TNS2: variants seen among roughly 807,000 people sequenced by gnomAD.
TNS2 encodes the protein tensin-2.
TNS2 carries 77 observed loss-of-function variants against 155.7 expected under a neutral mutation model. The ratio of observed to expected loss-of-function variants is 0.49; its 90% CI spans 0.41 to 0.60. The LOEUF (loss-of-function observed/expected upper bound fraction) is 0.60, where lower values mean the gene tolerates loss of function less well. Among genes scored for constraint, TNS2 ranks in the 20% least tolerant of loss-of-function variants. TNS2 has a pLI of 0.00. For missense variants in TNS2, 1,703 were observed against 1,868.8 expected (o/e 0.91, Z 1.64); for synonymous variants, 726 against 763.9 (o/e 0.95, Z 0.82).
In TNS2 at chr12:53,062,683, T is replaced by C. The variant is rs777126947; in HGVS notation, c.3809T>C (p.Leu1270Pro). 22 of 1,613,750 alleles carry C rather than the reference T, an allele frequency of 1.4e-5. No homozygotes were observed. Among genetic ancestry groups the C allele is most frequent in the African/African-American group, 2.7e-5 (2 of 74,874 alleles). Reference sequence around the variant, plus strand: ...AACATGAGCACAGCGGCAGACCTCCTGCGTCAGGGTGCTGGTAGAGACTTC... The same window carrying C: ...AACATGAGCACAGCGGCAGACCTCCCGCGTCAGGGTGCTGGTAGAGACTTC... ...PTNMSTAADL[L>P]RQGAACSVLY... is the part of the protein sequence containing the mutation. Residue 1270 changes from leucine to proline, a missense_variant, in exon 25 of 29, where the codon CTG becomes CCG. Transcript: ENST00000314250.
At chr12:53,061,542 C>G in intron 21 of TNS2, 73 bp downstream of exon 21, 2 of 1,512,196 alleles carry the variant, frequency 1.3e-6, no homozygotes, top group Non-Finnish European at 1.8e-6. Flanking sequence ...TAAGTCCCAT[C>G]CTGTTGAAGC....
At position 53,058,341 on chromosome 12, in the gene TNS2, G is replaced by C. The variant is rs188732040; in HGVS notation, c.1121G>C (p.Arg374Pro). Residue 374 changes from arginine to proline, a missense_variant, in exon 15 of 29, where the codon CGG becomes CCG. Coordinates refer to ENST00000314250, the MANE Select transcript of TNS2 (RefSeq NM_170754.4). ...VMVTCYHKGGRGTDRTLVFRV... is the reference protein window; with the variant it reads ...VMVTCYHKGGPGTDRTLVFRV... ...GTAACATGTTATCACAAGGGTGGCC[G>C]GGGCACAGACCGGACCCTCGTGTTC... The C allele has an allele frequency of 3.1e-6, 5 of 1,614,154 alleles. No homozygotes were observed. Among genetic ancestry groups the C allele is most frequent in the Non-Finnish European group, 3.4e-6 (4 of 1,180,024 alleles).
rs375027091 is a variant in TNS2, at chr12:53,062,656, C to T, written c.3782C>T (p.Thr1261Ile). ...LEETPEAPVP[T>I]NMSTAADLLR... ...GAGACCCCAGAGGCTCCAGTGCCCA[C>T]CAACATGAGCACAGCGGCAGACCTC... Residue 1261 changes from threonine (T) to isoleucine (I), a missense_variant, in exon 25 of 29, where the codon ACC becomes ATC. Coordinates refer to ENST00000314250, the MANE Select transcript of TNS2 (RefSeq NM_170754.4). The T allele has an allele frequency of 2.5e-6, 4 of 1,614,044 alleles. No individual in the cohort carries two copies. Among genetic ancestry groups the T allele is most frequent in the Admixed American group, 3.3e-5 (2 of 60,018 alleles).
chr12:53,055,551 C>T lies in TNS2; in HGVS notation c.574-17C>T, dbSNP rs555989797. The T allele has an allele frequency of 3.1e-6, 5 of 1,589,816 alleles. No homozygotes were observed. In the South Asian group the frequency reaches 5.7e-5, roughly 18 times the overall value. ...TGGTGGCCCCCGGCCCCAGTTGCAC[C>T]CCTGCATTCTCCCCAGGTTCAAGAC... is the stretch of plus-strand genomic sequence containing the variant. On this transcript the variant is annotated splice_polypyrimidine_tract_variant and intron_variant, in intron 8 of 28. Coordinates refer to ENST00000314250, the MANE Select transcript of TNS2 (RefSeq NM_170754.4).
Position 53,062,221 on chromosome 12 carries a change from G to A in TNS2, c.3643G>A (p.Gly1215Ser). ...ETGPKGVKIK[G>S]CPSEPYFGSL... is the part of the protein sequence containing the mutation. ...TGGGCCCAAAGGGGTGAAGATCAAG[G>A]GCTGCCCCAGTGAGCCCTACTTTGG... The change falls in exon 23 of 29, where the codon GGC becomes AGC. Residue 1215 changes from glycine to serine, a missense_variant. Gly to Ser is a moderately conservative substitution (Grantham distance 56). Coordinates refer to ENST00000314250, the MANE Select transcript of TNS2 (RefSeq NM_170754.4). The A allele has an allele frequency of 6.2e-7, 1 of 1,614,078 alleles. No individual in the cohort carries two copies. The highest frequency in any genetic ancestry group is 8.5e-7 in the Non-Finnish European group (1 of 1,179,986).
chr12:53,055,149 G>A, intron 7 of TNS2, 37 bp from the exon 8 acceptor site: 1 of 1,611,734 alleles, frequency 6.2e-7, no homozygotes, highest in East Asian at 2.2e-5. Context: ...CATTGCCGGA[G>A]ATCATTTCTG....
At chr12:53,056,915 A>T in intron 10 of TNS2, 98 bp from the exon 11 acceptor site, 1 of 1,176,264 alleles carries the variant, frequency 8.5e-7, no homozygotes, top group Non-Finnish European at 1.2e-6. Context: ...TTCTAGACTT[A>T]GAGAATCATA....
Position 53,058,045 on chromosome 12 carries a change from T to C in TNS2, c.1038T>C (p.Gly346=). 1 of 1,614,044 alleles carries C rather than the reference T, an allele frequency of 6.2e-7. No homozygotes were observed. Among genetic ancestry groups the C allele is most frequent in the South Asian group, 1.1e-5 (1 of 91,062 alleles). The change falls in exon 14 of 29, where the codon GGT becomes GGC. Residue 346 remains glycine, a synonymous_variant. Coordinates refer to ENST00000314250, the MANE Select transcript of TNS2 (RefSeq NM_170754.4). The part of the protein sequence containing the change: ...TSGVYHIAGP[G]PQQLCISLEP... ...CCCACAGTCACATTGCAGGCCCTGG[T>C]CCCCAGCAGCTTTGCATCAGCCTGG...
At chr12:53,057,871 C>A (rs373051821) in intron 13 of TNS2, 38 bp downstream of exon 13, 65 of 1,612,970 alleles carry the variant, frequency 4.0e-5, no homozygotes, top group Non-Finnish European at 5.4e-5. Context: ...CACTTCATGA[C>A]CAGGGCCCCT....
Position 53,058,376 on chromosome 12 carries a change from T to A in TNS2, c.1156T>A (p.Phe386Ile), listed in dbSNP as rs749969927. The A allele has an allele frequency of 6.2e-7, 1 of 1,614,162 alleles. No individual in the cohort carries two copies. The highest frequency in any genetic ancestry group is 1.1e-5 in the South Asian group (1 of 91,088). Residue 386 changes from phenylalanine (F) to isoleucine (I), a missense_variant, in exon 15 of 29, where the codon TTC (phenylalanine) becomes ATC (isoleucine). Coordinates refer to ENST00000314250, the MANE Select transcript of TNS2 (RefSeq NM_170754.4). ...TDRTLVFRVQFHTCTIHGPQL... is the reference protein window; with the variant it reads ...TDRTLVFRVQIHTCTIHGPQL... The stretch of plus-strand genomic sequence containing the variant: ...CCGGACCCTCGTGTTCCGAGTCCAG[T>A]TCCACACCTGCACCATCCACGGACC...
chr12:53,060,258 G>T lies in TNS2; in HGVS notation c.2617G>T (p.Glu873Ter). The T allele has an allele frequency of 6.5e-7, 1 of 1,539,088 alleles. No individual in the cohort carries two copies. The highest frequency in any genetic ancestry group is 8.8e-7 in the Non-Finnish European group (1 of 1,142,224). The change falls in exon 18 of 29, where the codon GAG becomes TAG. Residue 873 changes from glutamate (E) to a stop codon, truncating the protein, a stop_gained and splice_region_variant. Transcript: ENST00000314250. LOFTEE classifies it high-confidence loss of function. The surrounding 1 kb of genome is among the most constrained non-coding windows in gnomAD (Gnocchi z 6.1). ...LASAGPLASA[E>*]SLEPVSWREG... ...CTCAGCAGGACCTTTGGCATCTGCA[G>T]GTGAGGGGCACCAGAGTGCGGAGTG...
chr12:53,047,178 G>T (rs1463663538), upstream of TNS2: 1 of 53,628 alleles, frequency 1.9e-5, no homozygotes, highest in African/African-American at 1.1e-4. Flanking sequence ...GGCTGCCACG[G>T]GCGCGGGCGC....
chr12:53,055,927 GC>G (rs1490122931), intron 10 of TNS2, 82 bp downstream of exon 10: 20 of 1,445,434 alleles, frequency 1.4e-5, no homozygotes, highest in Middle Eastern at 2.2e-4. Flanking sequence ...CTCCCCTGGA[GC>G]CCACCTCTTC....
At chr12:53,062,349 G>A (rs768094446) in intron 23 of TNS2, 27 bp from the exon 24 acceptor site, 19 of 1,613,432 alleles carry the variant, frequency 1.2e-5, no homozygotes, top group Middle Eastern at 1.6e-4. Context: ...TGGGCATCTC[G>A]GGACTTTCCT....
upstream of TNS2, chr12:53,049,994 A>C: frequency 1.6e-6 from 2 of 1,284,696 alleles, no homozygotes; most frequent in Non-Finnish European, 2.1e-6. Context: ...CACTTCCTGG[A>C]GCAGCGACCT....
chr12:53,054,529 G>A, intron 7 of TNS2, 88 bp downstream of exon 7: 1 of 1,410,240 alleles, frequency 7.1e-7, no homozygotes, highest in Non-Finnish European at 9.2e-7. Context: ...ACCAGCGGAG[G>A]CGAGGCCGCC....
rs768512014 is a variant in TNS2 at position 53,062,158 on chromosome 12, C to G, written c.3580C>G (p.Pro1194Ala). The G allele has an allele frequency of 5.6e-6, 9 of 1,613,984 alleles. No homozygotes were observed. Among genetic ancestry groups the G allele is most frequent in the Non-Finnish European group, 7.6e-6 (9 of 1,179,966 alleles). Residue 1194 changes from proline (P) to alanine (A), a missense_variant, in exon 23 of 29, where the codon CCC (proline) becomes GCC (alanine). Coordinates refer to ENST00000314250, the MANE Select transcript of TNS2 (RefSeq NM_170754.4). ...TTCCCCTCGCCTCCTCTCAGGGGAC[C>G]CCGTGGAACAGCTGGTCCGCCATTT... ...PPSAQPWKGD[P>A]VEQLVRHFLI...
intron 15 of TNS2, 40 bp downstream of exon 15, chr12:53,058,485 G>A (rs1944242826): frequency 4.9e-5 from 24 of 486,746 alleles, no homozygotes; most frequent in Non-Finnish European, 5.8e-5. Context: ...GAGTCCAGGT[G>A]GCAGGCAGGT....
rs1269725498 is a variant in TNS2, at chr12:53,059,512, G to A, written c.1871G>A (p.Gly624Glu). The A allele has an allele frequency of 7.6e-6, 12 of 1,577,990 alleles. No individual in the cohort carries two copies. The highest frequency in any genetic ancestry group is 1.4e-5 in the African/African-American group (1 of 73,244). ...CTGGAGAGGAGGCGACTGGCCTACG[G>A]GGGCTATGAGGGATCCCCCCAGGGC... ...GTLERRRLAY[G>E]GYEGSPQGYA... is the part of the protein sequence containing the mutation. The change falls in exon 18 of 29, where the codon GGG becomes GAG. Residue 624 changes from glycine (G) to glutamate (E), a missense_variant. Transcript: ENST00000314250. This position sits in a 1 kb window ranked among gnomAD's most constrained non-coding sequence, Gnocchi z 4.7.
Sources: gnomAD v4.1 joint callset for allele counts on GRCh38, gnomAD v4.1.1 for gene constraint, Gnocchi (gnomAD v3.1) non-coding constraint, MANE v1.5 for transcripts, NCBI Gene and HGNC (gene_info 2026-07-23, HGNC 2026-07-21) for gene names.